Variants in CNTNAP1 observed in about 807,000 individuals in gnomAD.
The protein encoded by CNTNAP1 is contactin-associated protein 1.
Under a neutral mutation model 161.5 loss-of-function variants are expected in CNTNAP1, and 80 were observed. The observed-to-expected ratio is 0.50, with a 90% confidence interval of 0.41 to 0.60. The LOEUF is 0.60. Ranked by LOEUF, CNTNAP1 falls within the 20% of genes least tolerant of loss-of-function variation. The probability of loss-of-function intolerance (pLI) is 0.00; values close to 1 mark genes in which losing one functional copy is unlikely to be tolerated. For synonymous variants in CNTNAP1, 695 were observed against 733.1 expected (o/e 0.95, Z 0.84); for missense variants, 1,464 against 1,854.8 (o/e 0.79, Z 3.87).
chr17:42,687,181 G>A lies in CNTNAP1; in HGVS notation c.1044+135G>A. 7.7e-7 allele frequency: 1 copy of A among 1,304,686 alleles called. No homozygotes were observed. Among genetic ancestry groups the A allele is most frequent in the Admixed American group, 2.4e-5 (1 of 42,106 alleles). 80.8% of individuals were successfully genotyped at this position (1,304,686 alleles called of 1,614,324 possible). On this transcript the variant is annotated intron_variant, in intron 7 of 23. Coordinates refer to ENST00000264638, the MANE Select transcript of CNTNAP1 (RefSeq NM_003632.3). The surrounding 1 kb of genome is among the most constrained non-coding windows in gnomAD (Gnocchi z 4.7). ...GTCCCCAGCCAGATGCTCAAGTTGG[G>A]AGGGGAGCGGGTCTCACCTGAGGTG...
At chr17:42,686,469 G>GTTTTGTTTTTTTTT (rs1555642203) in intron 6 of CNTNAP1, among the ~76,000 whole-genome samples, 1 of 71,364 alleles carries the variant, frequency 1.4e-5, no homozygotes, top group Non-Finnish European at 2.6e-5. Flanking sequence ...AAAAAGGCCT[G>GTTTTGTTTTTTTTT]TTTTTTTTTT....
In CNTNAP1 at chr17:42,691,199, TC is replaced by T; in HGVS notation, c.2125del (p.Gln709SerfsTer38). 1.2e-6 allele frequency: 2 copies of T among 1,614,126 alleles called. No homozygotes were observed. Among genetic ancestry groups the T allele is most frequent in the Non-Finnish European group, 1.7e-6 (2 of 1,180,000 alleles). ...GGAGCAGCACTTCTACTGGGGAGGCTCCCAGCCTGGGATCCAGCGCTGTGCC... is the reference window on the plus strand; with the variant it reads ...GGAGCAGCACTTCTACTGGGGAGGCTCCAGCCTGGGATCCAGCGCTGTGCC... ...NEEQHFYWGG[S>X]QPGIQRCACG... On this transcript the variant is annotated frameshift_variant, in exon 14 of 24. Coordinates refer to ENST00000264638, the MANE Select transcript of CNTNAP1 (RefSeq NM_003632.3). LOFTEE classifies it high-confidence loss of function. The surrounding 1 kb of genome is among the most constrained non-coding windows in gnomAD (Gnocchi z 4.3).
intron 3 of CNTNAP1, 90 bp downstream of exon 3, chr17:42,684,319 G>A (rs2052977653): frequency 7.7e-7 from 1 of 1,290,992 alleles, no homozygotes; most frequent in Non-Finnish European, 1.1e-6. Flanking sequence ...AATGGAGGGG[G>A]TGGTGGTGAG....
At chr17:42,696,448 C>T (rs1172815794) in intron 20 of CNTNAP1, among the ~76,000 whole-genome samples, 1 of 151,602 alleles carries the variant, frequency 6.6e-6, no homozygotes, top group Non-Finnish European at 1.5e-5. Context: ...CTCAGCCTCC[C>T]GAGCAGCTGA....
chr17:42,698,478 T>TGC (rs2143682250), intron 23 of CNTNAP1, 140 bp from the exon 24 acceptor site: 1 of 630,410 alleles, frequency 1.6e-6, no homozygotes, highest in Admixed American at 2.9e-5. Context: ...TGTGTGTGTG[T>TGC]GTGCAGGTGA....
Position 42,695,810 on chromosome 17 carries a change from T to C in CNTNAP1, c.3282T>C (p.Pro1094=). The part of the protein sequence containing the change: ...VSFSFSTSSA[P]AVLLYVSSFV... ...TCAGCTTCAGCACCAGCTCCGCCCCTGCTGTCCTGCTCTACGTCAGTTCCT... is the reference window on the plus strand; with the variant it reads ...TCAGCTTCAGCACCAGCTCCGCCCCCGCTGTCCTGCTCTACGTCAGTTCCT... The change falls in exon 19 of 24, where the codon CCT becomes CCC. Residue 1094 remains proline, a synonymous_variant. Coordinates refer to ENST00000264638, the MANE Select transcript of CNTNAP1 (RefSeq NM_003632.3). The C allele has an allele frequency of 6.2e-7, 1 of 1,614,214 alleles. No homozygotes were observed. The highest frequency in any genetic ancestry group is 8.5e-7 in the Non-Finnish European group (1 of 1,180,030).
At chr17:42,690,598 G>A in intron 12 of CNTNAP1, 141 bp from the exon 13 acceptor site, 1 of 742,372 alleles carries the variant, frequency 1.3e-6, no homozygotes, top group South Asian at 1.7e-5. Flanking sequence ...CTACAATGCA[G>A]AGTGCCCAGG....
In CNTNAP1 at chr17:42,684,228, C is replaced by T. The variant is rs375684503; in HGVS notation, c.362C>T (p.Ser121Leu). 3 of 1,610,606 alleles carry T rather than the reference C, an allele frequency of 1.9e-6. No homozygotes were observed. The highest frequency in any genetic ancestry group is 2.7e-5 in the African/African-American group (2 of 74,830). The change falls in exon 3 of 24, where the codon TCG becomes TTG. Residue 121 changes from serine to leucine, a missense_variant and splice_region_variant. Physicochemically the swap from Ser to Leu is moderately radical, Grantham distance 145 (BLOSUM62 -2). Around this residue, in one of 3 missense-constraint regions of CNTNAP1, gnomAD observed 1,383 missense variants for 1,765.0 expected, o/e 0.78. Coordinates refer to ENST00000264638, the MANE Select transcript of CNTNAP1 (RefSeq NM_003632.3). ...CCGTTCTACCAGCGAGGGCACAACT[C>T]GGTACTCTGGGCGCCAAGGCGGTAA... is the stretch of plus-strand genomic sequence containing the variant. ...WTPFYQRGHN[S>L]TFFGNVNESA... is the part of the protein sequence containing the mutation.
chr17:42,684,897 C>A (rs2052983909), intron 3 of CNTNAP1, 94 bp from the exon 4 acceptor site: 1 of 1,438,946 alleles, frequency 6.9e-7, no homozygotes, highest in Non-Finnish European at 9.3e-7. Flanking sequence ...CGCACTCCAG[C>A]CTGGGCGACA....
rs749234838 is a variant in CNTNAP1 at position 42,686,965 on chromosome 17, C to T, written c.963C>T (p.Arg321=). The T allele has an allele frequency of 3.1e-6, 5 of 1,613,940 alleles. No individual in the cohort carries two copies. Among genetic ancestry groups the T allele is most frequent in the Admixed American group, 3.3e-5 (2 of 60,024 alleles). Residue 321 remains arginine, a synonymous_variant, in exon 7 of 24, where the codon CGC becomes CGT. Coordinates refer to ENST00000264638, the MANE Select transcript of CNTNAP1 (RefSeq NM_003632.3). Reference sequence around the variant, plus strand: ...ACCTGGCCTATCGGCATAACTTCCGCGGCTGCATAGAAAACGTAATCTTCA... The same window carrying T: ...ACCTGGCCTATCGGCATAACTTCCGTGGCTGCATAGAAAACGTAATCTTCA... ...RKNLAYRHNF[R]GCIENVIFNR...
chr17:42,688,466 C>T lies in CNTNAP1; in HGVS notation c.1311C>T (p.Tyr437=). ...CCATCATCCATTCTTGTCCAGGGTA[C>T]CGACTGAATGACGGCTTTTGGCACG... is the stretch of plus-strand genomic sequence containing the variant. ...GRKKLQFAAG[Y]RLNDGFWHEV... is the part of the protein sequence containing the mutation. Residue 437 remains tyrosine (Y), a synonymous_variant, in exon 9 of 24, where the codon TAC becomes TAT. Transcript: ENST00000264638. 1 of 1,614,198 alleles carries T rather than the reference C, an allele frequency of 6.2e-7. No individual in the cohort carries two copies. The highest frequency in any genetic ancestry group is 1.1e-5 in the South Asian group (1 of 91,084).
Position 42,689,883 on chromosome 17 carries a change from G to A in CNTNAP1, c.1736-205G>A, listed in dbSNP as rs1597807258. The A allele has an allele frequency of 2.4e-5, 14 of 595,334 alleles. No individual in the cohort carries two copies. In the East Asian group the frequency reaches 3.7e-4, roughly 16 times the overall value. 36.9% of individuals were successfully genotyped at this position (595,334 alleles called of 1,614,324 possible). ...AGCCTCCTAAGTAGCTGGGACTACA[G>A]GTGCACACCACCACGCCTAGCTAAT... is the stretch of plus-strand genomic sequence containing the variant. On this transcript the variant is annotated intron_variant, in intron 11 of 23. Transcript: ENST00000264638.
rs778688493 is a variant in CNTNAP1 at position 42,695,867 on chromosome 17, G to A, written c.3339G>A (p.Lys1113=). The part of the protein sequence containing the change: ...FVRDYMAVLI[K]DDGTLQLRYQ... ...GTGACTACATGGCTGTGCTCATCAA[G>A]GATGATGGTAAGCTCTCCCGGGCTC... Residue 1113 remains lysine, a synonymous_variant, in exon 19 of 24, where the codon AAG becomes AAA. Coordinates refer to ENST00000264638, the MANE Select transcript of CNTNAP1 (RefSeq NM_003632.3). 1.2e-6 allele frequency: 2 copies of A among 1,611,164 alleles called. No individual in the cohort carries two copies. Among genetic ancestry groups the A allele is most frequent in the Non-Finnish European group, 1.7e-6 (2 of 1,177,616 alleles).
chr17:42,695,478 G>T, intron 18 of CNTNAP1, 43 bp from the exon 19 acceptor site: 1 of 1,457,742 alleles, frequency 6.9e-7, no homozygotes. Context: ...GAATTGGGGA[G>T]TGAGCAGTGT....
chr17:42,697,574 G>C lies in CNTNAP1; in HGVS notation c.3589G>C (p.Glu1197Gln), dbSNP rs1365201970. 1 of 1,614,048 alleles carries C rather than the reference G, an allele frequency of 6.2e-7. No homozygotes were observed. The highest frequency in any genetic ancestry group is 8.5e-7 in the Non-Finnish European group (1 of 1,179,978). ...RVMETGVIDP[E>Q]IQRYNTPGFS... ...CTCAGAGACAGGAGTCATTGACCCG[G>C]AGATCCAGCGCTACAACACCCCAGG... The change falls in exon 22 of 24, where the codon GAG (glutamate) becomes CAG (glutamine). Residue 1197 changes from glutamate (E) to glutamine (Q), a missense_variant. Physicochemically the swap from Glu to Gln is conservative, Grantham distance 29 (BLOSUM62 2). This residue lies in a region of CNTNAP1 where 1,383 missense variants were observed against 1,765.0 expected (regional missense o/e 0.78). Transcript: ENST00000264638.
rs1406243341 is a variant in CNTNAP1, at chr17:42,684,202, A to G, written c.336A>G (p.Thr112=). The change falls in exon 3 of 24, where the codon ACA becomes ACG. Residue 112 remains threonine, a synonymous_variant. Coordinates refer to ENST00000264638, the MANE Select transcript of CNTNAP1 (RefSeq NM_003632.3). ...ACGGCGACCGAGTGGACAGCTGGAC[A>G]CCGTTCTACCAGCGAGGGCACAACT... The part of the protein sequence containing the change: ...LLYGDRVDSW[T]PFYQRGHNST... 2 of 1,613,826 alleles carry G rather than the reference A, an allele frequency of 1.2e-6. No homozygotes were observed. Among genetic ancestry groups the G allele is most frequent in the Admixed American group, 1.7e-5 (1 of 59,998 alleles).
At chr17:42,690,046 C>T (rs1167782335) in intron 11 of CNTNAP1, 42 bp from the exon 12 acceptor site, 1 of 1,611,458 alleles carries the variant, frequency 6.2e-7, no homozygotes, top group African/African-American at 1.3e-5. Context: ...GGCCAGCCCT[C>T]TAACTCTCTA....
chr17:42,691,879 C>T lies in CNTNAP1; in HGVS notation c.2418C>T (p.Ser806=), dbSNP rs770991102. Residue 806 remains serine, a synonymous_variant, in exon 16 of 24, where the codon AGC becomes AGT. Transcript: ENST00000264638. This position sits in a 1 kb window ranked among gnomAD's most constrained non-coding sequence, Gnocchi z 4.3. ...TCCCCCCAATCCGTGCCAACCACAGCCTGGATGTCTCCTTCTACTTCAGGA... is the reference window on the plus strand; with the variant it reads ...TCCCCCCAATCCGTGCCAACCACAGTCTGGATGTCTCCTTCTACTTCAGGA... ...LRFPPIRANH[S]LDVSFYFRTS... is the part of the protein sequence containing the mutation. 7.3e-5 allele frequency: 118 copies of T among 1,614,068 alleles called. No homozygotes were observed. The highest frequency in any genetic ancestry group is 9.3e-5 in the Non-Finnish European group (110 of 1,180,034).
At position 42,687,429 on chromosome 17, in the gene CNTNAP1, T is replaced by C. The variant is rs2053031825; in HGVS notation, c.1045-291T>C. On this transcript the variant is annotated intron_variant, in intron 7 of 23. Transcript: ENST00000264638. The surrounding 1 kb of genome is among the most constrained non-coding windows in gnomAD (Gnocchi z 4.7). The stretch of plus-strand genomic sequence containing the variant: ...TGTTGGGAAGCTGGCAGGAGCCAGG[T>C]CTGTGGTCCAAAATTGCCTCTCGAT... The C allele has an allele frequency of 7.5e-6, 4 of 530,140 alleles. No homozygotes were observed. The highest frequency in any genetic ancestry group is 1.3e-5 in the Non-Finnish European group (4 of 298,434). The allele number at this position is 530,140 out of a possible 1,614,324, so 32.8% of individuals were successfully genotyped here.
Sources: gnomAD v4.1 joint callset for allele counts (sites outside exome capture counted in the v4.1 genomes callset) on GRCh38, gnomAD v4.1.1 for gene constraint, gnomAD v4.1.1 regional missense constraint, Gnocchi (gnomAD v3.1) non-coding constraint, MANE v1.5 for transcripts, NCBI Gene and HGNC (gene_info 2026-07-23, HGNC 2026-07-21) for gene names.